CMKLR2: variants seen among roughly 807,000 people sequenced by gnomAD.
CMKLR2 encodes chemerin-like receptor 2.
A neutral mutation model predicts 23.0 loss-of-function variants in CMKLR2; 18 were observed. The observed-to-expected ratio is 0.78, with a 90% CI of 0.54 to 1.16. The LOEUF (loss-of-function observed/expected upper bound fraction) is 1.16. CMKLR2 is among the 50% of genes most tolerant of loss of function. The pLI, the probability that CMKLR2 is intolerant of heterozygous loss-of-function variation, is 0.00. For missense variants in CMKLR2, 401 were observed against 412.7 expected, an observed-to-expected ratio of 0.97 and a Z score of 0.25; for synonymous variants, 158 against 158.9, an observed-to-expected ratio of 0.99 and a Z score of 0.05.
chr2:206,181,185 G>A (rs1301011960), intron 1 of CMKLR2, among the ~76,000 whole-genome samples: 3 of 151,686 alleles, frequency 2.0e-5, no homozygotes, highest in Non-Finnish European at 4.4e-5. Flanking sequence ...AGCCTCCCAA[G>A]TACCTGGGAC....
chr2:206,183,518 C>T (rs140901905), intron 1 of CMKLR2, among the ~76,000 whole-genome samples: 1 of 152,276 alleles, frequency 6.6e-6, no homozygotes, highest in Non-Finnish European at 1.5e-5. Context: ...CACCTTCAAA[C>T]AGAAAGCCCT....
intron 1 of CMKLR2, among the ~76,000 whole-genome samples, chr2:206,198,596 C>T (rs1052140598): frequency 6.6e-6 from 1 of 152,118 alleles, no homozygotes; most frequent in Non-Finnish European, 1.5e-5. Flanking sequence ...GTTTTTTGCA[C>T]ATTGGAACAA....
chr2:206,183,282 T>C (rs1200885946), intron 1 of CMKLR2, among the ~76,000 whole-genome samples: 1 of 152,170 alleles, frequency 6.6e-6, no homozygotes, highest in Non-Finnish European at 1.5e-5. Flanking sequence ...GAAAAGCCCA[T>C]GGAAGACCCC....
At chr2:206,183,775 C>T (rs1236733055) in intron 1 of CMKLR2, among the ~76,000 whole-genome samples, 2 of 152,094 alleles carry the variant, frequency 1.3e-5, no homozygotes, top group Non-Finnish European at 2.9e-5. Context: ...CCTACTGAGT[C>T]CTTGAGTAGA....
Position 206,181,614 on chromosome 2 carries a change from G to A in CMKLR2, c.-28-4339C>T, listed in dbSNP as rs978610284. Among the ~76,000 whole-genome samples the A allele has an allele frequency of 1.1e-4, 17 of 152,194 alleles. 1 individual carries two copies. In the East Asian group the frequency reaches 2.3e-3, roughly 21 times the overall value. On this transcript the variant is annotated intron_variant, in intron 1 of 1. Coordinates refer to ENST00000621141, the MANE Select transcript of CMKLR2 (RefSeq NM_001389445.1). Reference sequence around the variant, plus strand: ...TTTGTATGTTTTATGTATTATATACGTATTCTTGCAATAAAGTAAGCCAGT... The same window carrying A: ...TTTGTATGTTTTATGTATTATATACATATTCTTGCAATAAAGTAAGCCAGT...
At chr2:206,209,946 C>A (rs897053629) in intron 1 of CMKLR2, among the ~76,000 whole-genome samples, 12 of 150,398 alleles carry the variant, frequency 8.0e-5, no homozygotes, top group African/African-American at 2.4e-4. Flanking sequence ...CTGCGCCCGG[C>A]CCTTTTCTTT....
chr2:206,208,427 G>C (rs2105840098), intron 1 of CMKLR2, among the ~76,000 whole-genome samples: 1 of 152,038 alleles, frequency 6.6e-6, no homozygotes, highest in South Asian at 2.1e-4. Flanking sequence ...GAGAGTCCTA[G>C]CTACTCAGAA....
chr2:206,190,849 T>C (rs1356679517), intron 1 of CMKLR2, among the ~76,000 whole-genome samples: 1 of 152,242 alleles, frequency 6.6e-6, no homozygotes. Flanking sequence ...GCCCCCATGC[T>C]TCACTTTGAC....
At position 206,177,143 on chromosome 2, in the gene CMKLR2, T is replaced by C; in HGVS notation, c.105A>G (p.Gly35=). ...ACACCAGGGAGACCCAGTGAACAAC[T>C]CCCAGCTGGACTTTCTCCTCCAAAT... is the stretch of plus-strand genomic sequence containing the variant. The part of the protein sequence containing the change: ...ESDLEEKVQL[G]VVHWVSLVLY... The change falls in exon 2 of 2, where the codon GGA becomes GGG. Residue 35 remains glycine, a synonymous_variant. Transcript: ENST00000621141. 6.2e-7 allele frequency: 1 copy of C among 1,613,944 alleles called. No individual in the cohort carries two copies. Among genetic ancestry groups the C allele is most frequent in the Non-Finnish European group, 8.5e-7 (1 of 1,179,832 alleles).
rs780172471 is a variant in CMKLR2 at position 206,176,162 on chromosome 2, T to C, written c.*18A>G. 3.2e-6 allele frequency: 5 copies of C among 1,557,048 alleles called. No individual in the cohort carries two copies. The African/African-American group carries it at 5.5e-5, about 17-fold the overall frequency. On this transcript the variant is annotated 3_prime_UTR_variant, in exon 2 of 2. Transcript: ENST00000621141. ...CCCACATAAAAAGCCATATACTGAT[T>C]TGTGGAAAAGTAATAACTTATTGAG...
chr2:206,207,728 C>CTGTTTTTTT (rs1689382428), intron 1 of CMKLR2, among the ~76,000 whole-genome samples: 1 of 43,582 alleles, frequency 2.3e-5, no homozygotes, highest in Non-Finnish European at 3.7e-5. Context: ...ACCTCAGGGC[C>CTGTTTTTTT]TTTTTTTTTT....
rs115056357 is a variant in CMKLR2, at chr2:206,212,122, C to A, written c.-29+1185G>T. Among the ~76,000 whole-genome samples the A allele has an allele frequency of 9.3e-3, 1,423 of 152,206 alleles. 16 individuals are homozygous for A. The highest frequency in any genetic ancestry group is 0.031 in the African/African-American group (1,303 of 41,526). The stretch of plus-strand genomic sequence containing the variant: ...CTATTATCAGTTTTGCATATTCAAT[C>A]TTTTCTACTTCATTTATTTTTTACA... On this transcript the variant is annotated intron_variant, in intron 1 of 1. Transcript: ENST00000621141.
intron 1 of CMKLR2, among the ~76,000 whole-genome samples, chr2:206,208,401 A>G (rs1045933330): frequency 2.0e-5 from 3 of 152,178 alleles, no homozygotes; most frequent in Admixed American, 1.3e-4. Context: ...GTAGCCAGGC[A>G]TGGTGGTATA....
At chr2:206,193,055 T>C (rs1362179193) in intron 1 of CMKLR2, among the ~76,000 whole-genome samples, 1 of 152,184 alleles carries the variant, frequency 6.6e-6, no homozygotes, top group Non-Finnish European at 1.5e-5. Context: ...TTTTTTTTCT[T>C]CTGAATATTT....
At chr2:206,216,291 TAA>T (rs1479647426), upstream of CMKLR2, among the ~76,000 whole-genome samples, 1 of 152,112 alleles carries the variant, frequency 6.6e-6, no homozygotes, top group African/African-American at 2.4e-5. Context: ...CTGTCTCTAC[TAA>T]AAATACAAAA....
At chr2:206,209,490 T>A (rs572983952) in intron 1 of CMKLR2, among the ~76,000 whole-genome samples, 2 of 152,230 alleles carry the variant, frequency 1.3e-5, no homozygotes, top group African/African-American at 4.8e-5. Context: ...ACCTAGGTAT[T>A]AAGCCCAGCA....
intron 1 of CMKLR2, among the ~76,000 whole-genome samples, chr2:206,183,321 A>C (rs572597262): frequency 3.3e-5 from 5 of 152,090 alleles, no homozygotes; most frequent in Non-Finnish European, 7.4e-5. Flanking sequence ...ATCCTCACCA[A>C]AAGTCAGGAG....
intron 1 of CMKLR2, among the ~76,000 whole-genome samples, chr2:206,190,444 A>C (rs1253870399): frequency 2.0e-5 from 3 of 152,198 alleles, no homozygotes; most frequent in Non-Finnish European, 4.4e-5. Context: ...ATTTGAATGG[A>C]AGTAAGACAA....
intron 1 of CMKLR2, among the ~76,000 whole-genome samples, chr2:206,206,251 G>A (rs1689312959): frequency 6.6e-6 from 1 of 152,124 alleles, no homozygotes; most frequent in Non-Finnish European, 1.5e-5. Context: ...ATTTGTATGT[G>A]TGTGTTAATA....
Sources: gnomAD v4.1 joint callset for allele counts (sites outside exome capture counted in the v4.1 genomes callset) on GRCh38, gnomAD v4.1.1 for gene constraint, MANE v1.5 for transcripts, NCBI Gene and HGNC (gene_info 2026-07-23, HGNC 2026-07-21) for gene names.